Variants in PELI2 observed in about 807,000 individuals in gnomAD.
PELI2 encodes pellino E3 ubiquitin protein ligase family member 2, also known as E3 ubiquitin-protein ligase pellino homolog 2.
A neutral mutation model predicts 42.3 loss-of-function variants in PELI2; 23 were observed. The observed-to-expected ratio is 0.54, with a 90% CI of 0.39 to 0.77. The LOEUF is 0.77. Among genes scored for constraint, PELI2 ranks in the 30% least tolerant of loss-of-function variants. The pLI is 0.00. For synonymous variants in PELI2, 245 were observed against 212.2 expected, an observed-to-expected ratio of 1.15 and a Z score of -1.34; for missense variants, 463 against 553.2, an observed-to-expected ratio of 0.84 and a Z score of 1.64.
chr14:56,145,089 T>C (rs1048824908), intron 1 of PELI2: 8 of 355,088 alleles, frequency 2.3e-5, no homozygotes, highest in African/African-American at 1.1e-4. Context: ...AGAGGCTTAA[T>C]TGGCTAACAG....
intron 2 of PELI2, among the ~76,000 whole-genome samples, chr14:56,204,214 A>T (rs1027990440): frequency 2.6e-5 from 4 of 152,238 alleles, no homozygotes; most frequent in Non-Finnish European, 5.9e-5. Flanking sequence ...GTTGGTGAAT[A>T]CTTGGAGATC....
rs1026027837 is a variant in PELI2 at position 56,162,223 on chromosome 14, A to AT, written c.78-16101dup. Among the ~76,000 whole-genome samples, 580 of 147,244 alleles carry AT rather than the reference A, an allele frequency of 3.9e-3. 1 individual carries two copies. Among genetic ancestry groups the AT allele is most frequent in the East Asian group, 0.011 (53 of 5,046 alleles). On this transcript the variant is annotated intron_variant, in intron 1 of 5. Coordinates refer to ENST00000267460, the MANE Select transcript of PELI2 (RefSeq NM_021255.3). The stretch of plus-strand genomic sequence containing the variant: ...AATAGTAGGTCTTACTCATTTTTCT[A>AT]TTTTTTTTTTTAAATACCCGTTAAC...
intron 2 of PELI2, among the ~76,000 whole-genome samples, chr14:56,248,238 A>G (rs1284077172): frequency 6.6e-6 from 1 of 152,248 alleles, no homozygotes; most frequent in African/African-American, 2.4e-5. Context: ...AACATGTCAT[A>G]TGAGCCGACC....
intron 1 of PELI2, among the ~76,000 whole-genome samples, chr14:56,147,849 C>A (rs762482880): frequency 3.9e-5 from 6 of 152,166 alleles, no homozygotes; most frequent in Admixed American, 3.9e-4. Context: ...TATGTTATTA[C>A]CCATGTGGCG....
intron 2 of PELI2, among the ~76,000 whole-genome samples, chr14:56,267,104 T>C (rs1461847255): frequency 6.6e-6 from 1 of 152,070 alleles, no homozygotes; most frequent in Non-Finnish European, 1.5e-5. Flanking sequence ...GGAGATACCA[T>C]TCACTGGTAA....
chr14:56,228,774 G>T (rs985853012), intron 2 of PELI2, among the ~76,000 whole-genome samples: 4 of 152,160 alleles, frequency 2.6e-5, no homozygotes, highest in Non-Finnish European at 5.9e-5. Flanking sequence ...TGCAGCCCAC[G>T]GAGTGTGAGC....
chr14:56,274,353 T>C (rs1355687665), intron 2 of PELI2, among the ~76,000 whole-genome samples: 2 of 152,244 alleles, frequency 1.3e-5, no homozygotes, highest in Non-Finnish European at 2.9e-5. Context: ...TTTCTGGATA[T>C]GTGTTAGTTT....
intron 2 of PELI2, among the ~76,000 whole-genome samples, chr14:56,248,564 A>T (rs1019848291): frequency 2.0e-5 from 3 of 152,026 alleles, no homozygotes; most frequent in Non-Finnish European, 4.4e-5. Flanking sequence ...ACAGGAGAAC[A>T]TGGAGGGTTG....
intron 2 of PELI2, among the ~76,000 whole-genome samples, chr14:56,231,782 G>A (rs1043075795): frequency 1.3e-5 from 2 of 152,186 alleles, no homozygotes; most frequent in Non-Finnish European, 2.9e-5. Context: ...AGGAGACAGA[G>A]ACACAGAAAA....
chr14:56,284,398 G>A (rs1889580984), intron 3 of PELI2, among the ~76,000 whole-genome samples: 1 of 152,170 alleles, frequency 6.6e-6, no homozygotes, highest in Non-Finnish European at 1.5e-5. Flanking sequence ...AACGTGTGGT[G>A]CCAAGTGCCT....
intron 1 of PELI2, among the ~76,000 whole-genome samples, chr14:56,124,501 A>G (rs926039821): frequency 2.0e-5 from 3 of 152,214 alleles, no homozygotes; most frequent in Non-Finnish European, 4.4e-5. Context: ...TTTCCTGGTG[A>G]ACTGCTCTCT....
At chr14:56,206,458 G>C (rs1048529799) in intron 2 of PELI2, among the ~76,000 whole-genome samples, 2 of 152,120 alleles carry the variant, frequency 1.3e-5, no homozygotes, top group African/African-American at 4.8e-5. Flanking sequence ...TTTAACCTTA[G>C]TGTTTTGGTC....
At position 56,300,624 on chromosome 14, in the gene PELI2, G is replaced by C. The variant is rs1210451927; in HGVS notation, c.*3458G>C. 6.6e-6 allele frequency: 1 copy of C among 152,064 alleles called. No homozygotes were observed. Among genetic ancestry groups the C allele is most frequent in the African/African-American group, 2.4e-5 (1 of 41,400 alleles). The allele number at this position is 152,064 out of a possible 1,614,324, so 9.4% of individuals were successfully genotyped here. A position where few individuals can be genotyped will look rare whatever the true frequency, so the allele number is the denominator to read the frequency against. On this transcript the variant is annotated 3_prime_UTR_variant, in exon 6 of 6. Coordinates refer to ENST00000267460, the MANE Select transcript of PELI2 (RefSeq NM_021255.3). The stretch of plus-strand genomic sequence containing the variant: ...TTTTTTAAAGCCATTCTGTTCTTTG[G>C]ATGTGCTTGAAAGGGTGTGTGATTA...
chr14:56,191,999 C>G (rs1029997837), intron 2 of PELI2, among the ~76,000 whole-genome samples: 6 of 152,056 alleles, frequency 3.9e-5, no homozygotes, highest in African/African-American at 1.4e-4. Flanking sequence ...GAATTACAGG[C>G]ACATGCCACC....
At chr14:56,213,833 A>G (rs905062886) in intron 2 of PELI2, among the ~76,000 whole-genome samples, 3 of 152,142 alleles carry the variant, frequency 2.0e-5, no homozygotes, top group Non-Finnish European at 4.4e-5. Context: ...TGCCTTGCAC[A>G]GTGGTTTTAT....
intron 2 of PELI2, among the ~76,000 whole-genome samples, chr14:56,275,339 A>C (rs889039736): frequency 6.6e-6 from 1 of 152,162 alleles, no homozygotes; most frequent in African/African-American, 2.4e-5. Context: ...CCGGGGAGGC[A>C]CATGGTTTTG....
chr14:56,281,543 A>G, intron 3 of PELI2, among the ~76,000 whole-genome samples: 1 of 152,238 alleles, frequency 6.6e-6, no homozygotes, highest in Non-Finnish European at 1.5e-5. Flanking sequence ...TTTGATTGAG[A>G]AAGAAAGAAT....
chr14:56,154,596 C>T (rs1026967475), intron 1 of PELI2, among the ~76,000 whole-genome samples: 1 of 152,224 alleles, frequency 6.6e-6, no homozygotes, highest in Non-Finnish European at 1.5e-5. Flanking sequence ...GTCAGTTAAA[C>T]CTTTTTCCCT....
At chr14:56,237,029 A>T (rs1036724716) in intron 2 of PELI2, among the ~76,000 whole-genome samples, 4 of 152,176 alleles carry the variant, frequency 2.6e-5, no homozygotes, top group African/African-American at 7.2e-5. Context: ...TAGCACTCTC[A>T]CAAGACTGTG....
Sources: gnomAD v4.1 joint callset for allele counts (sites outside exome capture counted in the v4.1 genomes callset) on GRCh38, gnomAD v4.1.1 for gene constraint, MANE v1.5 for transcripts, NCBI Gene and HGNC (gene_info 2026-07-23, HGNC 2026-07-21) for gene names.